The following CNTLN variants were observed in gnomAD, a reference collection of about 807,000 sequenced individuals.
CNTLN encodes centlein, centrosomal protein.
Under a neutral mutation model 180.0 loss-of-function variants are expected in CNTLN, and 212 were observed. That is an observed-to-expected ratio of 1.18 (90% CI 1.05 to 1.32). The LOEUF (loss-of-function observed/expected upper bound fraction) is 1.32. Ranked by LOEUF, CNTLN falls within the 40% of genes most tolerant of loss-of-function variation. CNTLN has a pLI of 0.00. For synonymous variants in CNTLN, 722 were observed against 563.1 expected (o/e 1.28, Z -3.99); for missense variants, 2,095 against 1,610.9 (o/e 1.30, Z -5.14).
rs555260151 is a variant in CNTLN, at chr9:17,149,038, A to G, written c.449+5662A>G. 1.8e-4 allele frequency among the ~76,000 whole-genome samples: 27 copies of G among 151,786 alleles called. No homozygotes were observed. The South Asian group carries it at 4.2e-3, about 24-fold the overall frequency. On this transcript the variant is annotated intron_variant, in intron 2 of 25. Transcript: ENST00000380647. ...TGTGTCCATGTGTTCTCATTGTTCA[A>G]CTCCCACTAATGAGTGAGAACATGC...
At chr9:17,394,111 A>G (rs946070774) in intron 14 of CNTLN, among the ~76,000 whole-genome samples, 19 of 152,148 alleles carry the variant, frequency 1.2e-4, no homozygotes, top group African/African-American at 4.6e-4. Context: ...ATTACTTTAT[A>G]TTGTCATTCC....
intron 18 of CNTLN, among the ~76,000 whole-genome samples, chr9:17,439,985 C>A (rs190423732): frequency 2.0e-5 from 3 of 152,224 alleles, no homozygotes; most frequent in Admixed American, 6.5e-5. Flanking sequence ...GCAGCCCAAA[C>A]TAAGACACCC....
At chr9:17,323,936 T>C (rs1465351824) in intron 8 of CNTLN, among the ~76,000 whole-genome samples, 2 of 152,236 alleles carry the variant, frequency 1.3e-5, no homozygotes, top group Non-Finnish European at 2.9e-5. Flanking sequence ...TTGTTGTTTT[T>C]TTCATTACCT....
intron 3 of CNTLN, among the ~76,000 whole-genome samples, chr9:17,229,518 G>A (rs986831321): frequency 3.9e-5 from 6 of 151,984 alleles, no homozygotes; most frequent in African/African-American, 1.4e-4. Context: ...GAGACCTAGG[G>A]AACAGTTTAT....
At chr9:17,255,228 T>C (rs10962949) in intron 5 of CNTLN, among the ~76,000 whole-genome samples, 1 of 151,702 alleles carries the variant, frequency 6.6e-6, no homozygotes, top group South Asian at 2.1e-4. Flanking sequence ...CTATGTTGAA[T>C]AGGAGTGGTG....
At chr9:17,469,775 C>T (rs971231335) in intron 23 of CNTLN, among the ~76,000 whole-genome samples, 4 of 151,652 alleles carry the variant, frequency 2.6e-5, no homozygotes, top group African/African-American at 9.7e-5. Flanking sequence ...TAACTCTGGG[C>T]CTTTCTCTGT....
chr9:17,488,405 A>C (rs945549516), intron 25 of CNTLN, among the ~76,000 whole-genome samples: 2 of 152,130 alleles, frequency 1.3e-5, no homozygotes, highest in Non-Finnish European at 2.9e-5. Context: ...GAATTCAATA[A>C]TGATTGTAAT....
At chr9:17,258,673 T>C (rs1208658215) in intron 5 of CNTLN, among the ~76,000 whole-genome samples, 1 of 148,790 alleles carries the variant, frequency 6.7e-6, no homozygotes, top group African/African-American at 2.6e-5. Context: ...GTAGTTCTCC[T>C]TGAAGAGGTC....
chr9:17,261,022 C>T (rs1179476309), intron 5 of CNTLN, among the ~76,000 whole-genome samples: 4 of 151,174 alleles, frequency 2.6e-5, no homozygotes, highest in African/African-American at 9.8e-5. Flanking sequence ...TATTCTGTTC[C>T]ATTGGTCTCT....
rs755102142 is a variant in CNTLN at position 17,236,433 on chromosome 9, A to G, written c.694A>G (p.Lys232Glu). Residue 232 changes from lysine to glutamate, a missense_variant, in exon 5 of 26, where the codon AAA (lysine) becomes GAA (glutamate). Lys to Glu is a moderately conservative substitution (Grantham distance 56, BLOSUM62 1). Transcript: ENST00000380647. ...GGACACTAAGGAGTGTGTACAGAAC[A>G]AAGAAGAGCAAAACAGACTAGTTAT... ...IKDTKECVQN[K>E]EEQNRLVIKN... 6.2e-6 allele frequency: 10 copies of G among 1,613,354 alleles called. No homozygotes were observed. The highest frequency in any genetic ancestry group is 7.6e-6 in the Non-Finnish European group (9 of 1,179,560).
At chr9:17,301,830 A>T in intron 7 of CNTLN, 1 of 979,698 alleles carries the variant, frequency 1.0e-6, no homozygotes, top group Non-Finnish European at 1.2e-6. Context: ...TCCCAGAGGC[A>T]AATACTGTGA....
chr9:17,466,686 T>C lies in CNTLN; in HGVS notation c.3670-20T>C. The stretch of plus-strand genomic sequence containing the variant: ...TGTTTATAAAATATCTTTTATTTTA[T>C]GACTGCTGATCTTTTGCAGGATCTC... On this transcript the variant is annotated intron_variant, in intron 22 of 25. Coordinates refer to ENST00000380647, the MANE Select transcript of CNTLN (RefSeq NM_017738.4). 1 of 1,587,356 alleles carries C rather than the reference T, an allele frequency of 6.3e-7. No homozygotes were observed. The highest frequency in any genetic ancestry group is 8.6e-7 in the Non-Finnish European group (1 of 1,167,202).
rs1227408330 is a variant in CNTLN, at chr9:17,409,366, A to G, written c.2689A>G (p.Thr897Ala). The change falls in exon 16 of 26, where the codon ACG becomes GCG. Residue 897 changes from threonine (T) to alanine (A), a missense_variant. Transcript: ENST00000380647. ...IVETSQKISP[T>A]EDGKDQKESD... is the part of the protein sequence containing the mutation. Reference sequence around the variant, plus strand: ...AGAAACATCCCAGAAAATAAGTCCTACGGAAGATGGAAAAGACCAGAAAGA... The same window carrying G: ...AGAAACATCCCAGAAAATAAGTCCTGCGGAAGATGGAAAAGACCAGAAAGA... 5.6e-6 allele frequency: 9 copies of G among 1,613,514 alleles called. No individual in the cohort carries two copies. The South Asian group carries it at 8.8e-5, about 16-fold the overall frequency.
intron 2 of CNTLN, among the ~76,000 whole-genome samples, chr9:17,153,463 T>A (rs1247390144): frequency 1.3e-5 from 2 of 152,232 alleles, no homozygotes. Flanking sequence ...TTGTTTTCTT[T>A]AAGAACATTG....
intron 10 of CNTLN, among the ~76,000 whole-genome samples, chr9:17,334,180 C>A (rs923894814): frequency 6.6e-6 from 1 of 152,060 alleles, no homozygotes; most frequent in Non-Finnish European, 1.5e-5. Flanking sequence ...CTGTCTCAGC[C>A]CCCCGAGTAG....
intron 2 of CNTLN, among the ~76,000 whole-genome samples, chr9:17,206,649 T>C (rs1342791801): frequency 3.3e-5 from 5 of 152,158 alleles, no homozygotes; most frequent in African/African-American, 1.2e-4. Context: ...TCAAATTGAG[T>C]CTGAATGTGG....
At chr9:17,146,700 CTAAGG>C (rs1183546737) in intron 2 of CNTLN, among the ~76,000 whole-genome samples, 1 of 152,126 alleles carries the variant, frequency 6.6e-6, no homozygotes, top group Non-Finnish European at 1.5e-5. Flanking sequence ...ATTACCCAAT[CTAAGG>C]TATTTTGTTA....
At chr9:17,497,077 G>C (rs1227791941) in intron 25 of CNTLN, among the ~76,000 whole-genome samples, 1 of 152,152 alleles carries the variant, frequency 6.6e-6, no homozygotes, top group African/African-American at 2.4e-5. Context: ...TGATGTCCAA[G>C]GGAGCTCAGG....
At chr9:17,378,177 A>G (rs966731798) in intron 13 of CNTLN, among the ~76,000 whole-genome samples, 2 of 151,816 alleles carry the variant, frequency 1.3e-5, no homozygotes, top group Non-Finnish European at 2.9e-5. Flanking sequence ...GCCATGTTTT[A>G]TCGTTCTTTT....
Sources: gnomAD v4.1 joint callset for allele counts (sites outside exome capture counted in the v4.1 genomes callset) on GRCh38, gnomAD v4.1.1 for gene constraint, MANE v1.5 for transcripts, NCBI Gene and HGNC (gene_info 2026-07-23, HGNC 2026-07-21) for gene names.